The following UBAC2 variants were observed in gnomAD, a reference collection of about 807,000 sequenced individuals.
UBAC2 encodes the protein UBA domain containing 2.
In UBAC2, 26 loss-of-function variants were observed where a neutral mutation model predicts 44.0. That is an observed-to-expected ratio of 0.59 (90% CI 0.43 to 0.82). UBAC2 has a LOEUF of 0.82. Among genes scored for constraint, UBAC2 ranks in the 40% least tolerant of loss-of-function variants. UBAC2 has a pLI of 0.00. For missense variants in UBAC2, 329 were observed against 419.4 expected (o/e 0.78, Z 1.88); for synonymous variants, 155 against 154.3 (o/e 1.00, Z -0.04).
intron 1 of UBAC2, among the ~76,000 whole-genome samples, chr13:99,236,709 G>T (rs2043236775): frequency 1.3e-5 from 2 of 152,304 alleles, no homozygotes; most frequent in Admixed American, 6.5e-5. Context: ...AATTAGCTGG[G>T]CATGGTGGTG....
intron 1 of UBAC2, among the ~76,000 whole-genome samples, chr13:99,237,318 TA>T (rs1346820382): frequency 6.6e-6 from 1 of 150,476 alleles, no homozygotes; most frequent in Non-Finnish European, 1.5e-5. Context: ...TATTCAGCTA[TA>T]AAAAGAATGA....
intron 4 of UBAC2, among the ~76,000 whole-genome samples, chr13:99,275,972 G>A (rs1317657064): frequency 6.6e-6 from 1 of 152,014 alleles, no homozygotes; most frequent in East Asian, 1.9e-4. Context: ...ATACCTGTAG[G>A]GTGTAAGCCT....
rs560876394 is a variant in UBAC2 at position 99,385,990 on chromosome 13, C to T, written c.*655C>T. 6.5e-6 allele frequency: 1 copy of T among 152,714 alleles called. No individual in the cohort carries two copies. The highest frequency in any genetic ancestry group is 2.1e-4 in the South Asian group (1 of 4,834). The allele number at this position is 152,714 out of a possible 1,614,324, so 9.5% of individuals were successfully genotyped here. On this transcript the variant is annotated 3_prime_UTR_variant, in exon 9 of 9. Transcript: ENST00000403766. ...TGCTCAGAGTATCCAGAGTTAGCCA[C>T]TAGGCTGCGGGTGAAATGGGATGGA...
chr13:99,240,722 T>C (rs2043289963), intron 2 of UBAC2, among the ~76,000 whole-genome samples: 1 of 152,138 alleles, frequency 6.6e-6, no homozygotes, highest in South Asian at 2.1e-4. Flanking sequence ...TGAGCCCAGC[T>C]ATGGCCTCAA....
At chr13:99,215,725 T>G (rs2042985514) in intron 1 of UBAC2, 8 of 1,487,516 alleles carry the variant, frequency 5.4e-6, no homozygotes, top group Non-Finnish European at 6.3e-6. Context: ...GTCTTGGCCT[T>G]TCCGGAGTCC....
chr13:99,376,430 G>A (rs1176669649), intron 8 of UBAC2, among the ~76,000 whole-genome samples: 1 of 152,196 alleles, frequency 6.6e-6, no homozygotes, highest in East Asian at 1.9e-4. Flanking sequence ...CCCTGTGGGG[G>A]CTCTGGTGGG....
rs377076527 is a variant in UBAC2 at position 99,286,027 on chromosome 13, T to C, written c.390-28070T>C. ...TTTTGTGATTTCCCAGCTGCCTCAG[T>C]GTGTCAGAGGAAACAGTTCTCCTGG... On this transcript the variant is annotated intron_variant, in intron 4 of 8. Coordinates refer to ENST00000403766, the MANE Select transcript of UBAC2 (RefSeq NM_001144072.2). Among the ~76,000 whole-genome samples, 5 of 152,282 alleles carry C rather than the reference T, an allele frequency of 3.3e-5. No homozygotes were observed. In the South Asian group the frequency reaches 6.2e-4, roughly 19 times the overall value.
chr13:99,227,014 C>T (rs1338208678), intron 1 of UBAC2, among the ~76,000 whole-genome samples: 1 of 152,140 alleles, frequency 6.6e-6, no homozygotes, highest in African/African-American at 2.4e-5. Context: ...GCCTGACCAA[C>T]ATGGAGAAAC....
chr13:99,382,812 C>T (rs944405628), intron 8 of UBAC2, among the ~76,000 whole-genome samples: 4 of 152,094 alleles, frequency 2.6e-5, no homozygotes, highest in African/African-American at 9.7e-5. Flanking sequence ...GGCCCCAAGA[C>T]CCACCAGGGG....
chr13:99,219,473 A>G (rs1050458432), intron 1 of UBAC2, among the ~76,000 whole-genome samples: 10 of 152,236 alleles, frequency 6.6e-5, no homozygotes, highest in Non-Finnish European at 7.3e-5. Flanking sequence ...CGGAGTGCCC[A>G]TTAAGCCAGG....
intron 6 of UBAC2, among the ~76,000 whole-genome samples, chr13:99,337,739 C>T (rs2044810579): frequency 1.3e-5 from 2 of 151,758 alleles, no homozygotes; most frequent in Admixed American, 1.3e-4. Context: ...CTTCCCAACC[C>T]ACATGGACCC....
chr13:99,264,964 G>A (rs997619442), intron 4 of UBAC2, among the ~76,000 whole-genome samples: 3 of 139,336 alleles, frequency 2.2e-5, no homozygotes, highest in African/African-American at 7.9e-5. Context: ...CTTTGCCATC[G>A]CTGTTTTTTT....
At chr13:99,350,724 A>G (rs529384277) in intron 7 of UBAC2, among the ~76,000 whole-genome samples, 3 of 152,352 alleles carry the variant, frequency 2.0e-5, no homozygotes, top group Admixed American at 1.3e-4. Flanking sequence ...ACTGAACCCA[A>G]GGAGTGGACC....
At chr13:99,206,801 T>C (rs947255966) in intron 1 of UBAC2, among the ~76,000 whole-genome samples, 1 of 152,238 alleles carries the variant, frequency 6.6e-6, no homozygotes, top group Non-Finnish European at 1.5e-5. Context: ...GGCTCAAGGC[T>C]ATTCTCAGTC....
intron 7 of UBAC2, among the ~76,000 whole-genome samples, chr13:99,351,007 T>G (rs189533965): frequency 7.3e-4 from 111 of 152,292 alleles, no homozygotes; most frequent in African/African-American, 2.6e-3. Flanking sequence ...GAAAACAGTG[T>G]TGTTTTTCTT....
At chr13:99,378,758 G>A (rs2045514295) in intron 8 of UBAC2, among the ~76,000 whole-genome samples, 1 of 152,196 alleles carries the variant, frequency 6.6e-6, no homozygotes, top group South Asian at 2.1e-4. Context: ...CCATGCATTG[G>A]CAACAGCATG....
rs370728716 is a variant in UBAC2, at chr13:99,318,558, C to T, written c.561+489C>T. ...AGTCACGGCCAGGCGCAGTGACTCA[C>T]GCCTGTAATCCCAGCACTCTGGGAG... On this transcript the variant is annotated intron_variant, in intron 6 of 8. Transcript: ENST00000403766. 1.4e-3 allele frequency among the ~76,000 whole-genome samples: 209 copies of T among 150,964 alleles called. 3 individuals carry two copies. The highest frequency in any genetic ancestry group is 4.9e-3 in the African/African-American group (203 of 41,162).
At chr13:99,360,110 T>C (rs532591510) in intron 7 of UBAC2, among the ~76,000 whole-genome samples, 1 of 152,190 alleles carries the variant, frequency 6.6e-6, no homozygotes, top group Admixed American at 6.5e-5. Flanking sequence ...TTTTACTCTT[T>C]TATGGGGCAC....
At chr13:99,287,323 T>C (rs1328465586) in intron 4 of UBAC2, among the ~76,000 whole-genome samples, 3 of 152,046 alleles carry the variant, frequency 2.0e-5, no homozygotes, top group Non-Finnish European at 4.4e-5. Context: ...GTAGAGCTCA[T>C]AGGAGATTGT....
Sources: gnomAD v4.1 joint callset for allele counts (sites outside exome capture counted in the v4.1 genomes callset) on GRCh38, gnomAD v4.1.1 for gene constraint, MANE v1.5 for transcripts, NCBI Gene and HGNC (gene_info 2026-07-23, HGNC 2026-07-21) for gene names.